DGKI: variants seen among roughly 807,000 people sequenced by gnomAD.
DGKI encodes diacylglycerol kinase iota.
In DGKI, 55 loss-of-function variants were observed where a neutral mutation model predicts 147.5. The ratio of observed to expected loss-of-function variants is 0.37; its 90% CI spans 0.30 to 0.47. DGKI has a LOEUF of 0.47. Ranked by LOEUF, DGKI falls within the 20% of genes least tolerant of loss-of-function variation. The pLI is 1.00. For synonymous variants in DGKI, 469 were observed against 477.1 expected (o/e 0.98, Z 0.22); for missense variants, 1,007 against 1,323.8 (o/e 0.76, Z 3.71).
chr7:137,425,375 C>A (rs1241698866), intron 28 of DGKI, among the ~76,000 whole-genome samples: 1 of 152,146 alleles, frequency 6.6e-6, no homozygotes, highest in Admixed American at 6.5e-5. Context: ...ACAGAAAGGA[C>A]ATCCACACCA....
intron 8 of DGKI, among the ~76,000 whole-genome samples, chr7:137,611,358 C>A (rs771895467): frequency 6.6e-6 from 1 of 152,074 alleles, no homozygotes; most frequent in Non-Finnish European, 1.5e-5. Flanking sequence ...TGCCCGGGCC[C>A]CATCAACTAT....
At chr7:137,439,871 G>GTTCC (rs1219232797) in intron 28 of DGKI, among the ~76,000 whole-genome samples, 1 of 152,214 alleles carries the variant, frequency 6.6e-6, no homozygotes, top group African/African-American at 2.4e-5. Flanking sequence ...TGCCTCAGAT[G>GTTCC]TTCCAGTGGG....
intron 19 of DGKI, among the ~76,000 whole-genome samples, chr7:137,558,941 A>G (rs1646394): frequency 0.092 from 12,776 of 139,244 alleles, 1,429 homozygotes; most frequent in African/African-American, 0.27. Flanking sequence ...CCACACTAAT[A>G]AATATTTATA....
At chr7:137,485,015 G>T (rs1815504227) in intron 23 of DGKI, among the ~76,000 whole-genome samples, 1 of 152,062 alleles carries the variant, frequency 6.6e-6, no homozygotes, top group Non-Finnish European at 1.5e-5. Flanking sequence ...TGTGAGCCAT[G>T]ACCAAATGGG....
intron 1 of DGKI, among the ~76,000 whole-genome samples, chr7:137,777,145 T>C (rs1366955744): frequency 6.6e-6 from 1 of 152,130 alleles, no homozygotes; most frequent in African/African-American, 2.4e-5. Context: ...TGAATTATGA[T>C]CATGCCACTG....
At chr7:137,595,173 T>C (rs975894316) in intron 12 of DGKI, among the ~76,000 whole-genome samples, 1 of 152,232 alleles carries the variant, frequency 6.6e-6, no homozygotes, top group South Asian at 2.1e-4. Context: ...AGTTATGCTA[T>C]CATTAATGAA....
intron 1 of DGKI, among the ~76,000 whole-genome samples, chr7:137,741,897 T>C (rs957615539): frequency 6.6e-6 from 1 of 152,138 alleles, no homozygotes; most frequent in Non-Finnish European, 1.5e-5. Context: ...AATGAAGCTC[T>C]CAGTGCTTTT....
At chr7:137,521,564 A>G (rs914445186) in intron 21 of DGKI, among the ~76,000 whole-genome samples, 2 of 152,128 alleles carry the variant, frequency 1.3e-5, no homozygotes, top group East Asian at 3.9e-4. Flanking sequence ...TACCATTGGT[A>G]TCACGAACTT....
At chr7:137,782,041 T>C (rs1349370588) in intron 1 of DGKI, among the ~76,000 whole-genome samples, 2 of 152,160 alleles carry the variant, frequency 1.3e-5, no homozygotes, top group Non-Finnish European at 2.9e-5. Context: ...CCATGAACTT[T>C]TGCTCCAAGA....
chr7:137,785,017 T>C (rs1191323343), intron 1 of DGKI, among the ~76,000 whole-genome samples: 1 of 151,706 alleles, frequency 6.6e-6, no homozygotes, highest in Non-Finnish European at 1.5e-5. Flanking sequence ...TATCAAAAAG[T>C]CTGAAAGAGC....
intron 2 of DGKI, among the ~76,000 whole-genome samples, chr7:137,687,801 A>G (rs17169387): frequency 0.019 from 2,939 of 152,236 alleles, 96 homozygotes; most frequent in African/African-American, 0.068. Context: ...CGGTTTTCCC[A>G]CCATTGTTAG....
chr7:137,725,558 A>T (rs1224549162), intron 1 of DGKI, among the ~76,000 whole-genome samples: 2 of 151,742 alleles, frequency 1.3e-5, no homozygotes, highest in Non-Finnish European at 2.9e-5. Context: ...TAGCAGAGGC[A>T]TTTCTATTTC....
At chr7:137,741,899 A>C (rs534161824) in intron 1 of DGKI, among the ~76,000 whole-genome samples, 4 of 152,310 alleles carry the variant, frequency 2.6e-5, no homozygotes, top group African/African-American at 7.2e-5. Flanking sequence ...TGAAGCTCTC[A>C]GTGCTTTTAC....
At position 137,736,749 on chromosome 7, in the gene DGKI, TC is replaced by T. The variant is rs537980129; in HGVS notation, c.402-46748del. Reference sequence around the variant, plus strand: ...ATAATTTAATCAGAAACCCCTAGCTTCCAAGAAGCCTGAATGAGTATGAAGA... The same window carrying T: ...ATAATTTAATCAGAAACCCCTAGCTTCAAGAAGCCTGAATGAGTATGAAGA... On this transcript the variant is annotated intron_variant, in intron 1 of 32. Transcript: ENST00000614521. 5.9e-5 allele frequency among the ~76,000 whole-genome samples: 9 copies of T among 152,182 alleles called. 1 individual carries two copies. In the South Asian group the frequency reaches 1.9e-3, roughly 32 times the overall value.
chr7:137,631,111 C>T (rs1821108802), intron 6 of DGKI, among the ~76,000 whole-genome samples: 1 of 152,294 alleles, frequency 6.6e-6, no homozygotes, highest in African/African-American at 2.4e-5. Context: ...GATGGTGTGA[C>T]ATTACAGGAA....
At chr7:137,661,555 C>G (rs1268965843) in intron 3 of DGKI, among the ~76,000 whole-genome samples, 2 of 152,172 alleles carry the variant, frequency 1.3e-5, no homozygotes, top group Non-Finnish European at 2.9e-5. Context: ...GGCCTACCCC[C>G]AGCTGCCTCC....
At chr7:137,427,561 T>C (rs1426049311) in intron 28 of DGKI, among the ~76,000 whole-genome samples, 5 of 151,904 alleles carry the variant, frequency 3.3e-5, no homozygotes, top group African/African-American at 1.2e-4. Flanking sequence ...AGAGTAGAAC[T>C]GAAGGAAATA....
chr7:137,795,832 T>C (rs1478561818), intron 1 of DGKI, among the ~76,000 whole-genome samples: 1 of 152,200 alleles, frequency 6.6e-6, no homozygotes, highest in Non-Finnish European at 1.5e-5. Flanking sequence ...GGAAAGTTAT[T>C]GGTTGAATAA....
At chr7:137,620,254 C>T (rs1309761530) in intron 7 of DGKI, among the ~76,000 whole-genome samples, 1 of 152,120 alleles carries the variant, frequency 6.6e-6, no homozygotes, top group Non-Finnish European at 1.5e-5. Flanking sequence ...CTAAAACTTT[C>T]TAATCGTTGC....
Sources: gnomAD v4.1 joint callset for allele counts (sites outside exome capture counted in the v4.1 genomes callset) on GRCh38, gnomAD v4.1.1 for gene constraint, MANE v1.5 for transcripts, NCBI Gene and HGNC (gene_info 2026-07-23, HGNC 2026-07-21) for gene names.